GNG2: variants seen among roughly 807,000 people sequenced by gnomAD.
GNG2 encodes G protein subunit gamma 2, also known as guanine nucleotide-binding protein G(I)/G(S)/G(O) subunit gamma-2.
A neutral mutation model predicts 5.5 loss-of-function variants in GNG2; 5 were observed. The ratio of observed to expected loss-of-function variants is 0.91; its 90% CI spans 0.48 to 1.92. The LOEUF is 1.92. Among genes scored for constraint, GNG2 ranks in the 30% most tolerant of loss-of-function variants. GNG2 has a pLI of 0.01. For synonymous variants in GNG2, 28 were observed against 32.0 expected (o/e 0.88, Z 0.42); for missense variants, 55 against 88.4 (o/e 0.62, Z 1.52).
intron 2 of GNG2, among the ~76,000 whole-genome samples, chr14:51,933,666 G>C (rs766424973): frequency 6.6e-6 from 1 of 152,210 alleles, no homozygotes; most frequent in Non-Finnish European, 1.5e-5. Flanking sequence ...GCCGCTGCTC[G>C]AGTGAAGGGG....
chr14:51,966,454 C>A, intron 3 of GNG2, 105 bp from the exon 4 acceptor site: 1 of 979,064 alleles, frequency 1.0e-6, no homozygotes, highest in Non-Finnish European at 1.6e-6. Context: ...GAGTATCTTG[C>A]TTCATGGAGC....
intron 2 of GNG2, among the ~76,000 whole-genome samples, chr14:51,920,072 G>C (rs565137794): frequency 1.3e-5 from 2 of 152,252 alleles, no homozygotes; most frequent in African/African-American, 4.8e-5. Flanking sequence ...ATATTGTAGA[G>C]CTGGCCCTTT....
At chr14:51,916,602 G>T (rs867448859) in intron 2 of GNG2, 5 of 409,024 alleles carry the variant, frequency 1.2e-5, no homozygotes, top group Middle Eastern at 3.5e-4. Flanking sequence ...TGGCCATTGA[G>T]GGGGAGGAAG....
At position 51,862,198 on chromosome 14, in the gene GNG2, G is replaced by GA. The variant is rs200381459; in HGVS notation, c.-71+1417dup. On this transcript the variant is annotated intron_variant, in intron 1 of 3. Transcript: ENST00000556766. Reference sequence around the variant, plus strand: ...ATGGGAAGCTTTTATAGCTACTAAAGAAAAAAAAAGTCTATTTCTCAGAGG... The same window carrying GA: ...ATGGGAAGCTTTTATAGCTACTAAAGAAAAAAAAAAGTCTATTTCTCAGAGG... 1.0e-2 allele frequency among the ~76,000 whole-genome samples: 1,509 copies of GA among 151,072 alleles called. 12 individuals carry two copies. The highest frequency in any genetic ancestry group is 0.034 in the Middle Eastern group (10 of 294).
intron 1 of GNG2, among the ~76,000 whole-genome samples, chr14:51,865,481 T>C (rs77691872): frequency 9.2e-5 from 14 of 152,312 alleles, no homozygotes; most frequent in Non-Finnish European, 2.1e-4. Flanking sequence ...AAGGACTTAG[T>C]CCCTGGCCTA....
intron 3 of GNG2, among the ~76,000 whole-genome samples, chr14:51,960,794 T>G (rs1889567671): frequency 6.6e-6 from 1 of 152,222 alleles, no homozygotes; most frequent in Non-Finnish European, 1.5e-5. Flanking sequence ...TTGTTAGGAC[T>G]CTACTCAATG....
intron 2 of GNG2, chr14:51,939,990 C>T (rs1358895569): frequency 6.6e-6 from 1 of 152,260 alleles, no homozygotes; most frequent in African/African-American, 2.4e-5. Flanking sequence ...TCGCTCACTT[C>T]CCTTGAGTTG....
At chr14:51,888,364 G>A (rs1884607163) in intron 2 of GNG2, among the ~76,000 whole-genome samples, 1 of 152,086 alleles carries the variant, frequency 6.6e-6, no homozygotes, top group African/African-American at 2.4e-5. Flanking sequence ...TGTCACCCAG[G>A]CTGGAGTACA....
chr14:51,894,609 T>G (rs1381461079), intron 2 of GNG2, among the ~76,000 whole-genome samples: 2 of 152,090 alleles, frequency 1.3e-5, no homozygotes, highest in Non-Finnish European at 2.9e-5. Flanking sequence ...ATGTTAAGAG[T>G]AAAATCCTAA....
At chr14:51,918,942 A>AGCCTTCCT (rs1886829592) in intron 2 of GNG2, among the ~76,000 whole-genome samples, 1 of 152,170 alleles carries the variant, frequency 6.6e-6, no homozygotes, top group South Asian at 2.1e-4. Context: ...CTCCTGCCTC[A>AGCCTTCCT]GCCTTCCTGA....
intron 2 of GNG2, among the ~76,000 whole-genome samples, chr14:51,892,310 T>C (rs972728661): frequency 5.9e-5 from 9 of 151,822 alleles, no homozygotes; most frequent in African/African-American, 1.9e-4. Flanking sequence ...CTTTTATTTA[T>C]TTTATTTTAT....
intron 1 of GNG2, among the ~76,000 whole-genome samples, chr14:51,874,997 G>C (rs1394178298): frequency 1.3e-5 from 2 of 152,060 alleles, no homozygotes; most frequent in Non-Finnish European, 2.9e-5. Context: ...GAAAAATGTG[G>C]AAATTATTGA....
At chr14:51,896,158 A>T (rs1316257022) in intron 2 of GNG2, among the ~76,000 whole-genome samples, 1 of 152,214 alleles carries the variant, frequency 6.6e-6, no homozygotes, top group Non-Finnish European at 1.5e-5. Flanking sequence ...TGCTGTCAAG[A>T]TGGGATACTA....
At chr14:51,872,533 T>C (rs543180101) in intron 1 of GNG2, among the ~76,000 whole-genome samples, 1 of 152,320 alleles carries the variant, frequency 6.6e-6, no homozygotes, top group East Asian at 1.9e-4. Flanking sequence ...GACTCTGAAC[T>C]GCAGGCCTGG....
At position 51,966,962 on chromosome 14, in the gene GNG2, G is replaced by GCACCC. The variant is rs548691349; in HGVS notation, c.*276_*277insACCCC. 5 of 106,432 alleles carry GCACCC rather than the reference G, an allele frequency of 4.7e-5. No homozygotes were observed. The highest frequency in any genetic ancestry group is 5.5e-5 in the Non-Finnish European group (3 of 54,802). The allele number at this position is 106,432 out of a possible 1,614,324, so 6.6% of individuals were successfully genotyped here. A position where few individuals can be genotyped will look rare whatever the true frequency, so the allele number is the denominator to read the frequency against. ...GTCACTTCTTTTCTGCTATCCCCCAGCCCCCCCCCCAAAATCCTCATGTTT... is the reference window on the plus strand; with the variant it reads ...GTCACTTCTTTTCTGCTATCCCCCAGCACCCCCCCCCCCCCAAAATCCTCATGTTT... On this transcript the variant is annotated 3_prime_UTR_variant, in exon 4 of 4. Transcript: ENST00000556766.
chr14:51,879,398 G>A (rs908538936), intron 2 of GNG2, among the ~76,000 whole-genome samples: 18 of 152,314 alleles, frequency 1.2e-4, no homozygotes, highest in Admixed American at 1.1e-3. Context: ...GAGGTTAGAA[G>A]CAAAATACCA....
At chr14:51,864,561 GAA>G (rs1361398513) in intron 1 of GNG2, among the ~76,000 whole-genome samples, 1 of 152,198 alleles carries the variant, frequency 6.6e-6, no homozygotes, top group Admixed American at 6.5e-5. Flanking sequence ...GACAGAGTAA[GAA>G]AATGTGCATA....
intron 2 of GNG2, chr14:51,841,493 C>G (rs1881480985): frequency 4.3e-6 from 3 of 701,028 alleles, no homozygotes; most frequent in South Asian, 3.0e-5. Context: ...CTATTTTTCT[C>G]TCCATTTTAC....
chr14:51,968,680 A>G lies in GNG2; in HGVS notation c.*1993A>G, dbSNP rs146386519. 106 of 152,372 alleles carry G rather than the reference A, an allele frequency of 7.0e-4. No individual in the cohort carries two copies. The highest frequency in any genetic ancestry group is 2.5e-3 in the African/African-American group (103 of 41,580). The allele number at this position is 152,372 out of a possible 1,614,324, so 9.4% of individuals were successfully genotyped here. On this transcript the variant is annotated 3_prime_UTR_variant, in exon 4 of 4. Coordinates refer to ENST00000556766, the MANE Select transcript of GNG2 (RefSeq NM_053064.5). ...AGTATTTATTAAACTACAGCATTGTACAATTAGCTTAGTAACACTATGGAA... is the reference window on the plus strand; with the variant it reads ...AGTATTTATTAAACTACAGCATTGTGCAATTAGCTTAGTAACACTATGGAA...
Sources: allele counts gnomAD v4.1 joint callset (sites outside exome capture counted in the v4.1 genomes callset), GRCh38; gene constraint gnomAD v4.1.1; transcripts MANE v1.5; gene names NCBI Gene and HGNC (gene_info 2026-07-23, HGNC 2026-07-21).